Variants in CDK14 observed in about 807,000 individuals in gnomAD.
CDK14 encodes cyclin dependent kinase 14, also known as cyclin-dependent kinase 14.
In CDK14, 34 loss-of-function variants were observed where a neutral mutation model predicts 60.7. That is an observed-to-expected ratio of 0.56 (90% CI 0.43 to 0.75). The LOEUF is 0.75. CDK14 is among the 30% of genes least tolerant of loss of function. The pLI, the probability that CDK14 is intolerant of heterozygous loss-of-function variation, is 0.00. For synonymous variants in CDK14, 197 were observed against 203.7 expected, an observed-to-expected ratio of 0.97 and a Z score of 0.28; for missense variants, 482 against 564.1, an observed-to-expected ratio of 0.85 and a Z score of 1.47.
intron 12 of CDK14, among the ~76,000 whole-genome samples, chr7:91,090,900 G>A (rs1394368181): frequency 6.6e-6 from 1 of 151,916 alleles, no homozygotes; most frequent in African/African-American, 2.4e-5. Context: ...TGTATCTAGT[G>A]TTCCTAAATA....
intron 3 of CDK14, among the ~76,000 whole-genome samples, chr7:90,741,135 G>A (rs151088206): frequency 0.032 from 4,832 of 152,220 alleles, 114 homozygotes; most frequent in South Asian, 0.099. Flanking sequence ...TGCAGATTGA[G>A]TACTTGACTC....
chr7:90,752,345 A>T (rs951766391), intron 4 of CDK14, among the ~76,000 whole-genome samples: 1 of 152,224 alleles, frequency 6.6e-6, no homozygotes, highest in Non-Finnish European at 1.5e-5. Flanking sequence ...GAATAAAAAT[A>T]AGAATCAATA....
At chr7:90,636,743 A>G (rs1800160719) in intron 2 of CDK14, among the ~76,000 whole-genome samples, 1 of 152,324 alleles carries the variant, frequency 6.6e-6, no homozygotes, top group African/African-American at 2.4e-5. Flanking sequence ...GGTGGAATTC[A>G]GCTATGAATC....
intron 2 of CDK14, among the ~76,000 whole-genome samples, chr7:90,640,235 C>G (rs557451159): frequency 6.6e-6 from 1 of 152,074 alleles, no homozygotes; most frequent in East Asian, 1.9e-4. Context: ...AGCTGTAGAC[C>G]GGAGCTGTTC....
At chr7:91,036,476 A>C (rs1796938203) in intron 10 of CDK14, among the ~76,000 whole-genome samples, 1 of 152,080 alleles carries the variant, frequency 6.6e-6, no homozygotes, top group Admixed American at 6.5e-5. Context: ...TTTTTCAATT[A>C]AAGTTATACC....
At chr7:90,639,181 C>T (rs774225288) in intron 2 of CDK14, among the ~76,000 whole-genome samples, 12 of 152,196 alleles carry the variant, frequency 7.9e-5, no homozygotes, top group East Asian at 3.9e-4. Flanking sequence ...TGAGGAACTG[C>T]GTTCCTTTGG....
rs115617087 is a variant in CDK14 at position 91,148,992 on chromosome 7, G to A, written c.*28+30784G>A. On this transcript the variant is annotated intron_variant, in intron 14 of 14. Transcript: ENST00000380050. ...AGACCTAATGATTTTAGAGTACTTC[G>A]GATGGACCAGTAGTCCTGGCTTACT... 2.3e-3 allele frequency among the ~76,000 whole-genome samples: 355 copies of A among 152,180 alleles called. 1 individual carries two copies. The highest frequency in any genetic ancestry group is 8.3e-3 in the African/African-American group (343 of 41,522).
intron 14 of CDK14, among the ~76,000 whole-genome samples, chr7:91,158,887 A>G (rs941490513): frequency 6.6e-6 from 1 of 152,234 alleles, no homozygotes; most frequent in African/African-American, 2.4e-5. Context: ...GCTTGAAAAG[A>G]AAGTGGGAAT....
chr7:91,101,550 G>A (rs985450792), intron 12 of CDK14, among the ~76,000 whole-genome samples: 2 of 152,128 alleles, frequency 1.3e-5, no homozygotes, highest in African/African-American at 2.4e-5. Flanking sequence ...ATATAAAAAT[G>A]TTATCAGTTT....
intron 3 of CDK14, among the ~76,000 whole-genome samples, chr7:90,734,983 C>T (rs1803029430): frequency 6.6e-6 from 1 of 152,152 alleles, no homozygotes; most frequent in Non-Finnish European, 1.5e-5. Flanking sequence ...TGGTGACCTT[C>T]GGATGGGGTC....
chr7:91,066,513 T>C, intron 11 of CDK14, among the ~76,000 whole-genome samples: 1 of 152,214 alleles, frequency 6.6e-6, no homozygotes, highest in East Asian at 1.9e-4. Flanking sequence ...CAGTATAAGA[T>C]ACAAAAACAT....
chr7:90,740,291 A>G (rs1026825281), intron 3 of CDK14, among the ~76,000 whole-genome samples: 2 of 149,298 alleles, frequency 1.3e-5, no homozygotes, highest in African/African-American at 5.0e-5. Flanking sequence ...AGAGAGAGAG[A>G]AAGAAAGAAA....
intron 2 of CDK14, among the ~76,000 whole-genome samples, chr7:90,704,176 C>T (rs950628607): frequency 4.6e-5 from 7 of 152,198 alleles, no homozygotes; most frequent in African/African-American, 1.7e-4. Flanking sequence ...TCTGCATCTA[C>T]CAGTTTCTGT....
rs549730190 is a variant in CDK14 at position 90,656,973 on chromosome 7, C to G, written c.123+52724C>G. On this transcript the variant is annotated intron_variant, in intron 2 of 14. Transcript: ENST00000380050. ...ACTGCCTTTTGAGATTTATGCCTCTCTCTGCTGACACCAACAAGATCGTGT... is the reference window on the plus strand; with the variant it reads ...ACTGCCTTTTGAGATTTATGCCTCTGTCTGCTGACACCAACAAGATCGTGT... Among the ~76,000 whole-genome samples, 4 of 152,246 alleles carry G rather than the reference C, an allele frequency of 2.6e-5. No homozygotes were observed. In the East Asian group the frequency reaches 5.8e-4, roughly 22 times the overall value.
intron 9 of CDK14, among the ~76,000 whole-genome samples, chr7:90,970,756 C>T (rs17479017): frequency 6.6e-6 from 1 of 152,208 alleles, no homozygotes; most frequent in African/African-American, 2.4e-5. Context: ...CCTTTGGAGT[C>T]TCTTAGAAAT....
At chr7:91,182,697 A>G (rs1802042184) in intron 14 of CDK14, among the ~76,000 whole-genome samples, 1 of 152,132 alleles carries the variant, frequency 6.6e-6, no homozygotes, top group South Asian at 2.1e-4. Flanking sequence ...CACTATATGC[A>G]CCTACCACCT....
chr7:90,723,716 C>T (rs967808032), intron 2 of CDK14, among the ~76,000 whole-genome samples: 2 of 152,136 alleles, frequency 1.3e-5, no homozygotes, highest in South Asian at 2.1e-4. Flanking sequence ...GACTGCCTAC[C>T]ACTGTATTTT....
intron 2 of CDK14, among the ~76,000 whole-genome samples, chr7:90,647,432 T>C (rs1244150725): frequency 6.6e-6 from 1 of 152,170 alleles, no homozygotes; most frequent in African/African-American, 2.4e-5. Flanking sequence ...TTTCTAATTA[T>C]TAAAAGAATG....
intron 2 of CDK14, among the ~76,000 whole-genome samples, chr7:90,726,019 C>T (rs1802619842): frequency 6.6e-6 from 1 of 152,138 alleles, no homozygotes; most frequent in Admixed American, 6.6e-5. Flanking sequence ...TTCAGTATCT[C>T]TAACCATTAG....
Sources: allele counts gnomAD v4.1 joint callset (sites outside exome capture counted in the v4.1 genomes callset), GRCh38; gene constraint gnomAD v4.1.1; transcripts MANE v1.5; gene names NCBI Gene and HGNC (gene_info 2026-07-23, HGNC 2026-07-21).